FGF13: variants seen among roughly 807,000 people sequenced by gnomAD.
The protein encoded by FGF13 is fibroblast growth factor 13.
In FGF13, 2 loss-of-function variants were observed where a neutral mutation model predicts 19.5. That is an observed-to-expected ratio of 0.10 (90% CI 0.04 to 0.32). The LOEUF is 0.32. Ranked by LOEUF, FGF13 falls within the 10% of genes least tolerant of loss-of-function variation. The probability of loss-of-function intolerance (pLI) is 1.00; values close to 1 mark genes in which losing one functional copy is unlikely to be tolerated. For missense variants in FGF13, 113 were observed against 192.7 expected, an observed-to-expected ratio of 0.59 and a Z score of 2.45; for synonymous variants, 72 against 76.9, an observed-to-expected ratio of 0.94 and a Z score of 0.33.
intron 1 of FGF13, among the ~76,000 whole-genome samples, chrX:138,721,118 TA>T (rs2090144693): frequency 1.8e-5 from 2 of 111,779 alleles, no homozygotes; most frequent in Admixed American, 9.5e-5. Flanking sequence ...AAGATGCCAA[TA>T]AAAATGAAAA....
chrX:138,954,514 G>T (rs2091831475), intron 1 of FGF13, among the ~76,000 whole-genome samples: 1 of 111,319 alleles, frequency 9.0e-6, no homozygotes, highest in African/African-American at 3.3e-5. Flanking sequence ...AAATATTAAT[G>T]CCTGTTTCAA....
chrX:138,825,981 T>C (rs2091032033), intron 3 of FGF13, among the ~76,000 whole-genome samples: 2 of 111,502 alleles, frequency 1.8e-5, no homozygotes, highest in South Asian at 7.6e-4. Context: ...TCAGCTACAC[T>C]GGGACAACCT....
chrX:138,746,066 T>A (rs1569381830), intron 3 of FGF13, among the ~76,000 whole-genome samples: 1 of 111,847 alleles, frequency 8.9e-6, no homozygotes, highest in Non-Finnish European at 1.9e-5. Context: ...CAGCTGAAAC[T>A]GGAAGTTGTT....
intron 3 of FGF13, among the ~76,000 whole-genome samples, chrX:138,696,579 G>A (rs757502022): frequency 1.3e-4 from 14 of 111,904 alleles, no homozygotes; most frequent in Admixed American, 5.7e-4. Flanking sequence ...AAAGGTCCAA[G>A]AGTATGGCCA....
downstream of FGF13, among the ~76,000 whole-genome samples, chrX:138,853,548 G>T (rs2091237103): frequency 9.0e-6 from 1 of 110,723 alleles, no homozygotes; most frequent in Non-Finnish European, 1.9e-5. Flanking sequence ...AGCCGCAATG[G>T]TTGGATGGCT....
chrX:139,183,759 T>C (rs1237915409), intron 1 of FGF13, among the ~76,000 whole-genome samples: 5 of 111,881 alleles, frequency 4.5e-5, no homozygotes, highest in Non-Finnish European at 9.4e-5. Context: ...AATTCCTTTA[T>C]AGCAATGCAA....
intron 1 of FGF13, among the ~76,000 whole-genome samples, chrX:139,022,860 G>C (rs1280549625): frequency 2.7e-5 from 3 of 111,423 alleles, no homozygotes; most frequent in African/African-American, 6.5e-5. Flanking sequence ...GGGACACTTT[G>C]CAAGCAGCTG....
At chrX:139,090,797 C>T (rs1308459533) in intron 1 of FGF13, among the ~76,000 whole-genome samples, 1 of 109,229 alleles carries the variant, frequency 9.2e-6, no homozygotes, top group Non-Finnish European at 1.9e-5. Context: ...AAAAATTAGC[C>T]GGGTGTGCTA....
chrX:139,083,844 C>G (rs965176573), intron 1 of FGF13, among the ~76,000 whole-genome samples: 14 of 110,882 alleles, frequency 1.3e-4, no homozygotes, highest in African/African-American at 4.6e-4. Flanking sequence ...GCATTCCAGC[C>G]TGGCGACGGA....
At chrX:138,666,546 G>A (rs1188575845) in intron 3 of FGF13, among the ~76,000 whole-genome samples, 2 of 111,241 alleles carry the variant, frequency 1.8e-5, no homozygotes, top group Admixed American at 1.9e-4. Context: ...TTCCAATGTT[G>A]TCAATTATTT....
At chrX:138,810,917 A>T (rs2090917544) in intron 3 of FGF13, among the ~76,000 whole-genome samples, 1 of 111,837 alleles carries the variant, frequency 8.9e-6, no homozygotes, top group South Asian at 3.8e-4. Flanking sequence ...ACCAGTTAGA[A>T]TGGCAATCAT....
chrX:138,928,517 C>A (rs1297428882), intron 1 of FGF13, among the ~76,000 whole-genome samples: 1 of 110,393 alleles, frequency 9.1e-6, no homozygotes, highest in Non-Finnish European at 1.9e-5. Flanking sequence ...GATGTTATCG[C>A]GGTGCTCTCA....
chrX:138,846,185 T>TTG (rs200911113), intron 3 of FGF13, among the ~76,000 whole-genome samples: 9,111 of 96,423 alleles, frequency 0.094, 369 homozygotes, highest in African/African-American at 0.11. Flanking sequence ...ATGTGTCCAT[T>TTG]TGTGTGTGTG....
chrX:139,141,325 A>C (rs758333478), intron 1 of FGF13, among the ~76,000 whole-genome samples: 1 of 112,134 alleles, frequency 8.9e-6, no homozygotes, highest in East Asian at 2.8e-4. Flanking sequence ...AGCCGAGGAC[A>C]ATGCCTGGAA....
intron 1 of FGF13, among the ~76,000 whole-genome samples, chrX:138,889,168 G>C (rs1423882157): frequency 9.0e-6 from 1 of 111,558 alleles, no homozygotes; most frequent in Non-Finnish European, 1.9e-5. Flanking sequence ...CCAGGGTTGG[G>C]GTGTAGGGGG....
At chrX:138,833,976 G>T (rs765490098) in intron 3 of FGF13, among the ~76,000 whole-genome samples, 1 of 111,864 alleles carries the variant, frequency 8.9e-6, no homozygotes, top group Non-Finnish European at 1.9e-5. Context: ...ATTTGTGTAT[G>T]CTGAACCAAC....
At position 138,617,044 on chromosome X, in the gene FGF13, G is replaced by A. The variant is rs1046342662; in HGVS notation, c.*15806C>T. 9 of 111,765 alleles carry A rather than the reference G, an allele frequency of 8.1e-5. No individual in the cohort carries two copies. The highest frequency in any genetic ancestry group is 1.9e-5 in the Non-Finnish European group (1 of 53,155). 9.2% of individuals were successfully genotyped at this position (111,765 alleles called of 1,213,427 possible). A position where few individuals can be genotyped will look rare whatever the true frequency, so the allele number is the denominator to read the frequency against. On this transcript the variant is annotated 3_prime_UTR_variant, in exon 5 of 5. Coordinates refer to ENST00000315930, the MANE Select transcript of FGF13 (RefSeq NM_004114.5). ...CTATAATGGGAGAGGCTGCAGTGAA[G>A]GTCTCTGACATGCCCTAGAGACATT...
intron 1 of FGF13, among the ~76,000 whole-genome samples, chrX:139,060,463 C>T (rs1458605786): frequency 3.6e-5 from 4 of 111,595 alleles, no homozygotes; most frequent in Non-Finnish European, 7.5e-5. Flanking sequence ...AGCAGACACC[C>T]TGAGCTCACC....
intron 1 of FGF13, among the ~76,000 whole-genome samples, chrX:138,719,712 C>T (rs945767756): frequency 5.3e-5 from 6 of 112,574 alleles, no homozygotes; most frequent in Non-Finnish European, 3.8e-5. Context: ...CTTCCATACT[C>T]GGAAGCCCAT....
Sources: allele counts gnomAD v4.1 joint callset (sites outside exome capture counted in the v4.1 genomes callset), GRCh38; gene constraint gnomAD v4.1.1; transcripts MANE v1.5; gene names NCBI Gene and HGNC (gene_info 2026-07-23, HGNC 2026-07-21).